RBMXL1: variants seen among roughly 807,000 people sequenced by gnomAD.
RBMXL1 encodes the protein RBMX like 1.
Under a neutral mutation model 29.0 loss-of-function variants are expected in RBMXL1, and 18 were observed. The ratio of observed to expected loss-of-function variants is 0.62; its 90% CI spans 0.43 to 0.92. RBMXL1 has a LOEUF of 0.92. Ranked by LOEUF, RBMXL1 falls within the 40% of genes least tolerant of loss-of-function variation. The pLI is 0.00. For synonymous variants in RBMXL1, 141 were observed against 170.4 expected, an observed-to-expected ratio of 0.83 and a Z score of 1.34; for missense variants, 403 against 495.8, an observed-to-expected ratio of 0.81 and a Z score of 1.78.
At chr1:88,991,627 A>T (rs183916625) in intron 1 of RBMXL1, among the ~76,000 whole-genome samples, 164 of 152,366 alleles carry the variant, frequency 1.1e-3, no homozygotes, top group Admixed American at 2.2e-3. Context: ...GGAAAGAATT[A>T]GCCAAAGTTG....
At chr1:88,985,667 A>G (rs1677407551) in intron 2 of RBMXL1, among the ~76,000 whole-genome samples, 1 of 152,224 alleles carries the variant, frequency 6.6e-6, no homozygotes. Context: ...GAAAATGAAT[A>G]CCTGCCCCAT....
At chr1:88,986,276 G>A (rs1408558248) in intron 2 of RBMXL1, among the ~76,000 whole-genome samples, 6 of 151,268 alleles carry the variant, frequency 4.0e-5, no homozygotes, top group Admixed American at 3.3e-4. Context: ...TGTTGCTTTT[G>A]CGCTTCTCTG....
At position 88,988,355 on chromosome 1, in the gene RBMXL1, T is replaced by C. The variant is rs1028966712; in HGVS notation, c.-340-4A>G. ...GCTCCTCTGGGCCAAAAACATGCTA[T>C]TAAATAAAAGAAAAATTGAGAAGAG... is the stretch of plus-strand genomic sequence containing the variant. On this transcript the variant is annotated splice_polypyrimidine_tract_variant and splice_region_variant and intron_variant, in intron 1 of 2. Transcript: ENST00000652648. The C allele has an allele frequency of 6.3e-7, 1 of 1,596,088 alleles. No individual in the cohort carries two copies. Among genetic ancestry groups the C allele is most frequent in the East Asian group, 2.2e-5 (1 of 44,734 alleles).
At position 88,983,432 on chromosome 1, in the gene RBMXL1, C is replaced by T. The variant is rs140234698; in HGVS notation, c.395G>A (p.Gly132Asp). The change falls in exon 3 of 3, where the codon GGT becomes GAT. Residue 132 changes from glycine to aspartate, a missense_variant. Coordinates refer to ENST00000652648, the MANE Select transcript of RBMXL1 (RefSeq NM_001162536.3). ...PPSRGGHMDD[G>D]GYSMNFNMSS... Reference sequence around the variant, plus strand: ...CATGTTAAAATTCATGGAATATCCACCATCATCCATGTGTCCTCCTCGTGA... The same window carrying T: ...CATGTTAAAATTCATGGAATATCCATCATCATCCATGTGTCCTCCTCGTGA... 6.2e-7 allele frequency: 1 copy of T among 1,614,190 alleles called. No individual in the cohort carries two copies. Among genetic ancestry groups the T allele is most frequent in the Admixed American group, 1.7e-5 (1 of 60,022 alleles).
Position 88,981,489 on chromosome 1 carries a change from TTAAG to T in RBMXL1, c.*1161_*1164del, listed in dbSNP as rs1677087952. On this transcript the variant is annotated 3_prime_UTR_variant, in exon 3 of 3. Coordinates refer to ENST00000652648, the MANE Select transcript of RBMXL1 (RefSeq NM_001162536.3). ...TCCCCTTTTCCATTTGGTCAATTACTTAAGTAACTACCACTCACTCCCTAGTTAT... is the reference window on the plus strand; with the variant it reads ...TCCCCTTTTCCATTTGGTCAATTACTTAACTACCACTCACTCCCTAGTTAT... 1 of 154,970 alleles carries T rather than the reference TTAAG, an allele frequency of 6.5e-6. No homozygotes were observed. Among genetic ancestry groups the T allele is most frequent in the Non-Finnish European group, 1.5e-5 (1 of 68,232 alleles). 9.6% of individuals were successfully genotyped at this position (154,970 alleles called of 1,614,324 possible). A position where few individuals can be genotyped will look rare whatever the true frequency, so the allele number is the denominator to read the frequency against.
rs778619278 is a variant in RBMXL1, at chr1:88,982,497, CAAG to C, written c.*154_*156del. Reference sequence around the variant, plus strand: ...TAAACATGTTTTACTTTTTTCCTCACAAGAACATAAAAATTACGGAAGGGACTT... The same window carrying C: ...TAAACATGTTTTACTTTTTTCCTCACAACATAAAAATTACGGAAGGGACTT... On this transcript the variant is annotated 3_prime_UTR_variant, in exon 3 of 3. Coordinates refer to ENST00000652648, the MANE Select transcript of RBMXL1 (RefSeq NM_001162536.3). The C allele has an allele frequency of 1.9e-5, 24 of 1,242,758 alleles. No homozygotes were observed. Among genetic ancestry groups the C allele is most frequent in the Non-Finnish European group, 2.3e-5 (21 of 915,222 alleles). The allele number at this position is 1,242,758 out of a possible 1,614,324, so 77.0% of individuals were successfully genotyped here. A position where few individuals can be genotyped will look rare whatever the true frequency, so the allele number is the denominator to read the frequency against.
At position 88,984,204 on chromosome 1, in the gene RBMXL1, CTTTTTTTTTT is replaced by C. The variant is rs908183722; in HGVS notation, c.-240-148_-240-139del. 8.9e-4 allele frequency: 73 copies of C among 81,754 alleles called. No homozygotes were observed. In the East Asian group the frequency reaches 0.01, roughly 11 times the overall value. 5.1% of individuals were successfully genotyped at this position (81,754 alleles called of 1,614,324 possible). On this transcript the variant is annotated intron_variant, in intron 2 of 2. Coordinates refer to ENST00000652648, the MANE Select transcript of RBMXL1 (RefSeq NM_001162536.3). Reference sequence around the variant, plus strand: ...ATTAACAGGAGCCCTTTTTTTGTTGCTTTTTTTTTTTTTTTTTTTTTTTTTTGTAGACAGG... The same window carrying C: ...ATTAACAGGAGCCCTTTTTTTGTTGCTTTTTTTTTTTTTTTTGTAGACAGG...
At position 88,980,882 on chromosome 1, in the gene RBMXL1, G is replaced by C. The variant is rs1177688946; in HGVS notation, c.*1772C>G. The C allele has an allele frequency of 2.0e-5, 3 of 152,166 alleles. No homozygotes were observed. Among genetic ancestry groups the C allele is most frequent in the Non-Finnish European group, 2.9e-5 (2 of 68,038 alleles). 9.4% of individuals were successfully genotyped at this position (152,166 alleles called of 1,614,324 possible). A position where few individuals can be genotyped will look rare whatever the true frequency, so the allele number is the denominator to read the frequency against. ...CATAAATTTGGTCATTACCCTTGTGGTCTGTGATTAGTAGTAGTCTGCCAA... is the reference window on the plus strand; with the variant it reads ...CATAAATTTGGTCATTACCCTTGTGCTCTGTGATTAGTAGTAGTCTGCCAA... On this transcript the variant is annotated 3_prime_UTR_variant, in exon 3 of 3. Transcript: ENST00000652648.
At chr1:88,985,039 T>C (rs1677368239) in intron 2 of RBMXL1, among the ~76,000 whole-genome samples, 1 of 152,246 alleles carries the variant, frequency 6.6e-6, no homozygotes. Context: ...GAAAATTATA[T>C]TTTAACAATT....
At chr1:88,984,659 T>C (rs528514188) in intron 2 of RBMXL1, among the ~76,000 whole-genome samples, 12 of 152,294 alleles carry the variant, frequency 7.9e-5, no homozygotes, top group East Asian at 1.9e-4. Flanking sequence ...TGAGAGATAA[T>C]GTATTTGGGG....
At position 88,983,529 on chromosome 1, in the gene RBMXL1, G is replaced by C. The variant is rs1677231528; in HGVS notation, c.298C>G (p.Pro100Ala). The change falls in exon 3 of 3, where the codon CCA becomes GCA. Residue 100 changes from proline (P) to alanine (A), a missense_variant. By Grantham distance (27) the Pro-to-Ala change is conservative. Transcript: ENST00000652648. Reference protein sequence around the residue: ...ERGRHGPPPPPRSRGPPRGFG... With the variant: ...ERGRHGPPPPARSRGPPRGFG... ...CCTCTTGGAGGACCTCTACTTCTTG[G>C]AGGTGGGGGCGGTCCATGTCTACCT... 2 of 1,614,180 alleles carry C rather than the reference G, an allele frequency of 1.2e-6. No homozygotes were observed. Among genetic ancestry groups the C allele is most frequent in the Non-Finnish European group, 8.5e-7 (1 of 1,180,048 alleles).
At chr1:88,992,254 A>C (rs1217125445) in intron 1 of RBMXL1, among the ~76,000 whole-genome samples, 1 of 152,230 alleles carries the variant, frequency 6.6e-6, no homozygotes, top group Non-Finnish European at 1.5e-5. Context: ...CTGCGATTAC[A>C]GGGGTGAGCC....
intron 2 of RBMXL1, 84 bp downstream of exon 2, chr1:88,988,168 G>A (rs980441938): frequency 2.4e-6 from 2 of 832,192 alleles, no homozygotes; most frequent in South Asian, 1.7e-5. Flanking sequence ...TAAAGTATTT[G>A]TAAAAAAGCA....
At chr1:88,987,189 G>A (rs1207067895) in intron 2 of RBMXL1, among the ~76,000 whole-genome samples, 7 of 152,182 alleles carry the variant, frequency 4.6e-5, no homozygotes, top group Non-Finnish European at 1.0e-4. Context: ...CCTGGCATAC[G>A]TAGTCTAATA....
In RBMXL1 at chr1:88,982,856, C is replaced by T; in HGVS notation, c.971G>A (p.Arg324Gln). Residue 324 changes from arginine (R) to glutamine (Q), a missense_variant, in exon 3 of 3, where the codon CGA becomes CAA. Physicochemically the swap from Arg to Gln is conservative, Grantham distance 43 (BLOSUM62 1). Transcript: ENST00000652648. ...ACTTCGGCTGCTTGAGTAACTGTCT[C>T]GACTTCCACCATATCCATCACGTGA... ...SSSRDGYGGS[R>Q]DSYSSSRSDL... The T allele has an allele frequency of 6.2e-7, 1 of 1,613,772 alleles. No individual in the cohort carries two copies. The highest frequency in any genetic ancestry group is 8.5e-7 in the Non-Finnish European group (1 of 1,179,740).
chr1:88,987,499 T>C (rs1677533911), intron 2 of RBMXL1, among the ~76,000 whole-genome samples: 1 of 152,208 alleles, frequency 6.6e-6, no homozygotes, highest in Non-Finnish European at 1.5e-5. Context: ...AAATTGTCAA[T>C]ATTCAACCAG....
In RBMXL1 at chr1:88,982,863, C is replaced by T. The variant is rs1677175184; in HGVS notation, c.964G>A (p.Gly322Arg). ...DYSSSRDGYG[G>R]SRDSYSSSRS... is the part of the protein sequence containing the mutation. The stretch of plus-strand genomic sequence containing the variant: ...CTGCTTGAGTAACTGTCTCGACTTC[C>T]ACCATATCCATCACGTGAGCTGCTA... The change falls in exon 3 of 3, where the codon GGA becomes AGA. Residue 322 changes from glycine to arginine, a missense_variant. Physicochemically the swap from Gly to Arg is moderately radical, Grantham distance 125 (BLOSUM62 -2). Coordinates refer to ENST00000652648, the MANE Select transcript of RBMXL1 (RefSeq NM_001162536.3). 2 of 1,613,982 alleles carry T rather than the reference C, an allele frequency of 1.2e-6. No homozygotes were observed. Among genetic ancestry groups the T allele is most frequent in the Non-Finnish European group, 1.7e-6 (2 of 1,179,872 alleles).
At position 88,986,191 on chromosome 1, in the gene RBMXL1, AAAGAG is replaced by A. The variant is rs781025700; in HGVS notation, c.-241+2056_-241+2060del. Among the ~76,000 whole-genome samples, 17 of 148,686 alleles carry A rather than the reference AAAGAG, an allele frequency of 1.1e-4. 1 individual carries two copies. The highest frequency in any genetic ancestry group is 1.5e-4 in the Non-Finnish European group (10 of 66,586). On this transcript the variant is annotated intron_variant, in intron 2 of 2. Coordinates refer to ENST00000652648, the MANE Select transcript of RBMXL1 (RefSeq NM_001162536.3). ...AGTGAGAGACTGTATGAAAAAAAAAAAAGAGAGAGAGAGAGAGACAGAGAGAGTTG... is the reference window on the plus strand; with the variant it reads ...AGTGAGAGACTGTATGAAAAAAAAAAAGAGAGAGAGAGACAGAGAGAGTTG...
At chr1:88,986,032 T>C (rs1159991978) in intron 2 of RBMXL1, among the ~76,000 whole-genome samples, 1 of 151,802 alleles carries the variant, frequency 6.6e-6, no homozygotes, top group Non-Finnish European at 1.5e-5. Flanking sequence ...AATACAAATA[T>C]TGGCCGGGAG....
Sources: allele counts gnomAD v4.1 joint callset (sites outside exome capture counted in the v4.1 genomes callset), GRCh38; gene constraint gnomAD v4.1.1; transcripts MANE v1.5; gene names NCBI Gene and HGNC (gene_info 2026-07-23, HGNC 2026-07-21).